UMAD1: variants seen among roughly 807,000 people sequenced by gnomAD.
UMAD1 encodes UBAP1-MVB12-associated (UMA)-domain containing protein 1.
UMAD1 carries 8 observed loss-of-function variants against 6.1 expected under a neutral mutation model. The observed-to-expected ratio is 1.30, with a 90% CI of 0.76 to 2.35. The LOEUF is 2.35. UMAD1 is among the 30% of genes most tolerant of loss of function. The pLI, the probability that UMAD1 is intolerant of heterozygous loss-of-function variation, is 0.00. For missense variants in UMAD1, 130 were observed against 78.4 expected (o/e 1.66, Z -2.49); for synonymous variants, 56 against 31.4 (o/e 1.78, Z -2.61).
intron 1 of UMAD1, among the ~76,000 whole-genome samples, chr7:7,641,890 C>T (rs1784981757): frequency 6.6e-6 from 1 of 152,190 alleles, no homozygotes; most frequent in East Asian, 1.9e-4. Flanking sequence ...AAATGATAGT[C>T]TCCCTTAGTG....
chr7:7,711,439 A>G (rs768115785), intron 2 of UMAD1, among the ~76,000 whole-genome samples: 2 of 152,166 alleles, frequency 1.3e-5, no homozygotes, highest in Admixed American at 6.5e-5. Context: ...TGAAAATTCT[A>G]TCCTTTTCAT....
chr7:7,816,538 C>T (rs1252362222), intron 3 of UMAD1, among the ~76,000 whole-genome samples: 2 of 152,188 alleles, frequency 1.3e-5, no homozygotes, highest in South Asian at 2.1e-4. Flanking sequence ...GGATATATGC[C>T]ACCAGTGTCG....
At chr7:7,667,945 T>A (rs1250880696) in intron 1 of UMAD1, among the ~76,000 whole-genome samples, 1 of 152,154 alleles carries the variant, frequency 6.6e-6, no homozygotes, top group Non-Finnish European at 1.5e-5. Context: ...TTTGTTCATT[T>A]AACACAGGGT....
intron 2 of UMAD1, among the ~76,000 whole-genome samples, chr7:7,717,300 G>A (rs1027819967): frequency 5.3e-5 from 8 of 151,880 alleles, no homozygotes; most frequent in African/African-American, 1.9e-4. Flanking sequence ...CAAGTGATCC[G>A]CCTGCCTCAG....
At chr7:7,805,176 A>G (rs75944099) in intron 3 of UMAD1, among the ~76,000 whole-genome samples, 3 of 152,050 alleles carry the variant, frequency 2.0e-5, no homozygotes, top group African/African-American at 7.2e-5. Flanking sequence ...TAGACTCTGT[A>G]CCCAACTGCC....
chr7:7,814,508 T>C (rs1379641762), intron 3 of UMAD1, among the ~76,000 whole-genome samples: 1 of 152,186 alleles, frequency 6.6e-6, no homozygotes, highest in African/African-American at 2.4e-5. Context: ...GTTCTATATT[T>C]TTCCTGGACG....
chr7:7,801,204 T>C (rs376313595), intron 2 of UMAD1, among the ~76,000 whole-genome samples: 22 of 152,356 alleles, frequency 1.4e-4, no homozygotes, highest in African/African-American at 4.8e-4. Flanking sequence ...GGATTATCTG[T>C]CATCTGGTTA....
At chr7:7,729,703 G>A (rs74605042) in intron 2 of UMAD1, among the ~76,000 whole-genome samples, 74 of 152,204 alleles carry the variant, frequency 4.9e-4, no homozygotes, top group African/African-American at 1.6e-3. Flanking sequence ...TGGTGAACAC[G>A]CTAACCTCAG....
At position 7,742,622 on chromosome 7, in the gene UMAD1, T is replaced by C. The variant is rs578113826; in HGVS notation, c.83-59048T>C. 2.2e-5 allele frequency: 9 copies of C among 413,398 alleles called. No homozygotes were observed. In the East Asian group the frequency reaches 5.5e-4, roughly 25 times the overall value. 25.6% of individuals were successfully genotyped at this position (413,398 alleles called of 1,614,324 possible). A position where few individuals can be genotyped will look rare whatever the true frequency, so the allele number is the denominator to read the frequency against. Reference sequence around the variant, plus strand: ...TTAAAGGATGAATGCTGTTTAGTAATAAGCCGAAAAGAACCATAATTTTCA... The same window carrying C: ...TTAAAGGATGAATGCTGTTTAGTAACAAGCCGAAAAGAACCATAATTTTCA... On this transcript the variant is annotated intron_variant, in intron 2 of 3. Transcript: ENST00000682710.
chr7:7,868,514 G>T (rs1271258936), intron 3 of UMAD1: 1 of 150,942 alleles, frequency 6.6e-6, no homozygotes, highest in Non-Finnish European at 1.5e-5. Flanking sequence ...AAAGATTGGA[G>T]AACCACGGAG....
chr7:7,868,334 C>A (rs1424803678), intron 3 of UMAD1: 1 of 152,078 alleles, frequency 6.6e-6, no homozygotes, highest in Admixed American at 6.6e-5. Context: ...CTCTAGTTGG[C>A]TAGTAGAGAA....
chr7:7,820,151 A>G (rs1783213678), intron 3 of UMAD1, among the ~76,000 whole-genome samples: 1 of 147,400 alleles, frequency 6.8e-6, no homozygotes, highest in South Asian at 2.2e-4. Flanking sequence ...AATTCAGTTA[A>G]GGGTTAAGGA....
chr7:7,666,865 G>T (rs896578197), intron 1 of UMAD1, among the ~76,000 whole-genome samples: 4 of 152,112 alleles, frequency 2.6e-5, no homozygotes, highest in Admixed American at 2.6e-4. Flanking sequence ...GAGTGCAATG[G>T]TGGGGTCTCA....
chr7:7,799,759 T>G (rs1395579056), intron 2 of UMAD1, among the ~76,000 whole-genome samples: 6 of 152,212 alleles, frequency 3.9e-5, no homozygotes, highest in Admixed American at 1.3e-4. Flanking sequence ...GTTTTTCCAG[T>G]GTAAATTGGA....
rs1203991829 is a variant in UMAD1 at position 7,677,758 on chromosome 7, C to T, written c.82+4305C>T. Reference sequence around the variant, plus strand: ...GCGGGATCTCGGCTCACTGCAAGCTCTGCCTCCCAGGTTCACGCCATTCTC... The same window carrying T: ...GCGGGATCTCGGCTCACTGCAAGCTTTGCCTCCCAGGTTCACGCCATTCTC... On this transcript the variant is annotated intron_variant, in intron 2 of 3. Transcript: ENST00000682710. Among the ~76,000 whole-genome samples the T allele has an allele frequency of 7.5e-4, 108 of 144,652 alleles. 4 individuals carry two copies. The highest frequency in any genetic ancestry group is 2.7e-3 in the African/African-American group (105 of 38,904). The allele number at this position is 144,652 out of a possible 152,430, so 94.9% of individuals were successfully genotyped here.
intron 2 of UMAD1, among the ~76,000 whole-genome samples, chr7:7,769,915 C>T (rs1782068239): frequency 1.3e-5 from 2 of 152,192 alleles, no homozygotes; most frequent in African/African-American, 2.4e-5. Flanking sequence ...TCCTGCTCAC[C>T]ACCTTTGCAA....
At chr7:7,874,356 G>C (rs1784379931) in intron 3 of UMAD1, among the ~76,000 whole-genome samples, 1 of 152,148 alleles carries the variant, frequency 6.6e-6, no homozygotes, top group Non-Finnish European at 1.5e-5. Flanking sequence ...CCAGCAACCA[G>C]GGTGATTATT....
intron 3 of UMAD1, 45 bp downstream of exon 3, chr7:7,801,788 C>T (rs76376703): frequency 0.018 from 13,048 of 714,670 alleles, 139 homozygotes; most frequent in Middle Eastern, 0.033. Context: ...CTGAACAAGT[C>T]ACTATGATTA....
chr7:7,876,369 G>C (rs1784419986), intron 3 of UMAD1, among the ~76,000 whole-genome samples: 1 of 152,196 alleles, frequency 6.6e-6, no homozygotes. Context: ...GGAGCTAGTA[G>C]GCCTCTGTAA....
Sources: allele counts gnomAD v4.1 joint callset (sites outside exome capture counted in the v4.1 genomes callset), GRCh38; gene constraint gnomAD v4.1.1; transcripts MANE v1.5; gene names NCBI Gene and HGNC (gene_info 2026-07-23, HGNC 2026-07-21).